The following CLTA variants were observed in gnomAD, a reference collection of about 807,000 sequenced individuals.
The protein encoded by CLTA is clathrin light chain A.
Under a neutral mutation model 26.9 loss-of-function variants are expected in CLTA, and 9 were observed. The ratio of observed to expected loss-of-function variants is 0.33; its 90% CI spans 0.20 to 0.58. CLTA has a LOEUF of 0.58. Among genes scored for constraint, CLTA ranks in the 20% least tolerant of loss-of-function variants. The pLI is 0.85. For missense variants in CLTA, 278 were observed against 294.2 expected, an observed-to-expected ratio of 0.94 and a Z score of 0.40; for synonymous variants, 120 against 115.5, an observed-to-expected ratio of 1.04 and a Z score of -0.25.
intron 4 of CLTA, among the ~76,000 whole-genome samples, chr9:36,204,475 G>A (rs1827603482): frequency 6.6e-6 from 1 of 152,170 alleles, no homozygotes; most frequent in Non-Finnish European, 1.5e-5. Flanking sequence ...ACCCTGAAAC[G>A]AAAGCTGGGT....
chr9:36,200,193 CT>C (rs1827323077), intron 3 of CLTA, among the ~76,000 whole-genome samples: 1 of 151,906 alleles, frequency 6.6e-6, no homozygotes, highest in African/African-American at 2.4e-5. Flanking sequence ...TTTGTTTTTT[CT>C]TTTTCTTTTT....
intron 3 of CLTA, among the ~76,000 whole-genome samples, 168 bp downstream of exon 3, chr9:36,199,264 C>G (rs1827256644): frequency 6.6e-6 from 1 of 152,086 alleles, no homozygotes. Flanking sequence ...GATGCCTAAT[C>G]ACAGGCCATT....
intron 4 of CLTA, among the ~76,000 whole-genome samples, chr9:36,207,123 G>A (rs1827769885): frequency 6.6e-6 from 1 of 152,178 alleles, no homozygotes; most frequent in African/African-American, 2.4e-5. Context: ...CAAAGCACTA[G>A]GAGCACGTCG....
Position 36,191,272 on chromosome 9 carries a change from G to T in CLTA, c.216G>T (p.Pro72=). The T allele has an allele frequency of 1.3e-6, 2 of 1,517,830 alleles. No individual in the cohort carries two copies. The highest frequency in any genetic ancestry group is 1.2e-5 in the South Asian group (1 of 81,706). The allele number at this position is 1,517,830 out of a possible 1,614,324, so 94.0% of individuals were successfully genotyped here. The stretch of plus-strand genomic sequence containing the variant: ...CGCACGGCGAGCCGCCGGGGGGTCC[G>T]GGTGAGAGTGCGGGCGCGTTTGGGG... ...PQPHGEPPGG[P]DAVDGVMNGE... is the part of the protein sequence containing the mutation. The change falls in exon 1 of 5, where the codon CCG becomes CCT. Residue 72 remains proline (P), a splice_region_variant and synonymous_variant. Transcript: ENST00000345519.
chr9:36,192,561 A>G (rs1826796320), intron 1 of CLTA, among the ~76,000 whole-genome samples: 2 of 152,308 alleles, frequency 1.3e-5, no homozygotes, highest in East Asian at 1.9e-4. Flanking sequence ...GGACTAAACT[A>G]GGCTGTGATT....
At position 36,206,405 on chromosome 9, in the gene CLTA, A is replaced by G. The variant is rs571114283; in HGVS notation, c.485+2226A>G. On this transcript the variant is annotated intron_variant, in intron 4 of 4. Transcript: ENST00000345519. ...TCTTCACTGGTTGGAGGTGGGATCC[A>G]TTTGAGAGTCACTTTGGGGGACTTC... Among the ~76,000 whole-genome samples the G allele has an allele frequency of 5.5e-3, 836 of 152,218 alleles. 9 individuals are homozygous for G. Among genetic ancestry groups the G allele is most frequent in the African/African-American group, 0.019 (783 of 41,532 alleles).
At chr9:36,197,036 G>A (rs1827092451) in intron 1 of CLTA, among the ~76,000 whole-genome samples, 2 of 152,272 alleles carry the variant, frequency 1.3e-5, no homozygotes, top group South Asian at 2.1e-4. Context: ...TTATCCAGGC[G>A]TGGTGGCGCA....
At chr9:36,210,656 G>A in intron 4 of CLTA, 2 of 1,614,118 alleles carry the variant, frequency 1.2e-6, no homozygotes, top group Non-Finnish European at 1.7e-6. Flanking sequence ...CTACAGCCTA[G>A]AACAGTTAAG....
chr9:36,209,814 C>T (rs1244693390), intron 4 of CLTA, among the ~76,000 whole-genome samples: 1 of 152,236 alleles, frequency 6.6e-6, no homozygotes, highest in African/African-American at 2.4e-5. Context: ...TTCATTCAAA[C>T]AATGTGGGGT....
chr9:36,203,721 T>C (rs4879960), intron 3 of CLTA, among the ~76,000 whole-genome samples: 33,830 of 152,182 alleles, frequency 0.22, 4,755 homozygotes, highest in Non-Finnish European at 0.31. Flanking sequence ...AAGGCTTTTT[T>C]CCTATTAATA....
intron 3 of CLTA, among the ~76,000 whole-genome samples, chr9:36,200,747 A>G (rs562828785): frequency 6.6e-6 from 1 of 152,364 alleles, no homozygotes; most frequent in South Asian, 2.1e-4. Flanking sequence ...ACTGTTAAGT[A>G]CTTGAAGTGT....
rs1826657127 is a variant in CLTA, at chr9:36,190,981, G to A, written c.-76G>A. ...CTCTCCCAGTCGGCACCACAGCGGT[G>A]GCTGCCGGGCGTGGTGTCGGTGGGT... is the stretch of plus-strand genomic sequence containing the variant. On this transcript the variant is annotated 5_prime_UTR_variant, in exon 1 of 5. Coordinates refer to ENST00000345519, the MANE Select transcript of CLTA (RefSeq NM_001833.4). 1 of 1,459,836 alleles carries A rather than the reference G, an allele frequency of 6.9e-7. No homozygotes were observed. Among genetic ancestry groups the A allele is most frequent in the Admixed American group, 2.6e-5 (1 of 38,044 alleles). The allele number at this position is 1,459,836 out of a possible 1,614,324, so 90.4% of individuals were successfully genotyped here.
At chr9:36,197,781 G>A (rs1392815922) in intron 2 of CLTA, among the ~76,000 whole-genome samples, 193 bp downstream of exon 2, 1 of 152,140 alleles carries the variant, frequency 6.6e-6, no homozygotes, top group African/African-American at 2.4e-5. Context: ...GTTTAAAAAT[G>A]TTATTTACCT....
chr9:36,197,525 A>G (rs758386515), intron 1 of CLTA, 26 bp from the exon 2 acceptor site: 2 of 1,600,238 alleles, frequency 1.2e-6, no homozygotes, highest in Non-Finnish European at 1.7e-6. Flanking sequence ...GTCCTTATTG[A>G]TAGACCAAAA....
chr9:36,204,150 G>A lies in CLTA; in HGVS notation c.456G>A (p.Glu152=). Residue 152 remains glutamate (E), a synonymous_variant, in exon 4 of 5, where the codon GAG becomes GAA. Transcript: ENST00000345519. ...AAGAATGGTATGCAAGACAGGACGA[G>A]CAGCTACAGAAAACAAAAGCAAACA... is the stretch of plus-strand genomic sequence containing the variant. ...ELEEWYARQD[E]QLQKTKANNR... The A allele has an allele frequency of 1.9e-6, 3 of 1,614,112 alleles. No individual in the cohort carries two copies. The highest frequency in any genetic ancestry group is 1.6e-4 in the Middle Eastern group (1 of 6,062).
intron 4 of CLTA, among the ~76,000 whole-genome samples, chr9:36,205,862 C>T (rs935193822): frequency 5.3e-5 from 8 of 150,054 alleles, no homozygotes; most frequent in Non-Finnish European, 4.4e-5. Context: ...TGGATTCACG[C>T]CATTCTCCTG....
At chr9:36,207,026 G>A (rs750166490) in intron 4 of CLTA, among the ~76,000 whole-genome samples, 4 of 152,234 alleles carry the variant, frequency 2.6e-5, no homozygotes, top group Non-Finnish European at 2.9e-5. Flanking sequence ...GTTTGAAAGA[G>A]GAAAGTCGGA....
chr9:36,193,927 G>A (rs1232867427), intron 1 of CLTA, among the ~76,000 whole-genome samples: 4 of 152,190 alleles, frequency 2.6e-5, no homozygotes, highest in Non-Finnish European at 4.4e-5. Context: ...GAAGGAGGCA[G>A]CACAAGTGGA....
Position 36,211,560 on chromosome 9 carries a change from A to C in CLTA, c.486-43A>C, listed in dbSNP as rs569639692. 1.3e-5 allele frequency: 21 copies of C among 1,557,162 alleles called. No homozygotes were observed. The East Asian group carries it at 3.4e-4, about 25-fold the overall frequency. On this transcript the variant is annotated intron_variant, in intron 4 of 4. Transcript: ENST00000345519. ...GCAAGGCAGCCACCAGGTTGCTCAA[A>C]GGGGGTTCTGCATAAACCAACATAT...
Sources: gnomAD v4.1 joint callset for allele counts (sites outside exome capture counted in the v4.1 genomes callset) on GRCh38, gnomAD v4.1.1 for gene constraint, MANE v1.5 for transcripts, NCBI Gene and HGNC (gene_info 2026-07-23, HGNC 2026-07-21) for gene names.